The following RBFOX1 variants were observed in gnomAD, a reference collection of about 807,000 sequenced individuals.
The protein encoded by RBFOX1 is RNA binding fox-1 homolog 1, also known as RNA binding protein fox-1 homolog 1.
In RBFOX1, 8 loss-of-function variants were observed where a neutral mutation model predicts 57.7. That is an observed-to-expected ratio of 0.14 (90% CI 0.08 to 0.25). The LOEUF (loss-of-function observed/expected upper bound fraction) is 0.25, where lower values mean the gene tolerates loss of function less well. Ranked by LOEUF, RBFOX1 falls within the 10% of genes least tolerant of loss-of-function variation. The pLI is 1.00. For synonymous variants in RBFOX1, 326 were observed against 222.4 expected, an observed-to-expected ratio of 1.47 and a Z score of -4.15; for missense variants, 611 against 548.5, an observed-to-expected ratio of 1.11 and a Z score of -1.14.
intron 4 of RBFOX1, among the ~76,000 whole-genome samples, chr16:7,177,328 G>A (rs1273725272): frequency 6.6e-6 from 1 of 152,126 alleles, no homozygotes; most frequent in East Asian, 1.9e-4. Context: ...GGCCTCAAGA[G>A]CTGAGGATGC....
At chr16:7,027,555 C>T (rs1459924336) in intron 3 of RBFOX1, among the ~76,000 whole-genome samples, 2 of 152,036 alleles carry the variant, frequency 1.3e-5, no homozygotes, top group Non-Finnish European at 2.9e-5. Flanking sequence ...CCTGTGGTTT[C>T]TCTTAGTCTT....
At chr16:7,511,541 C>T (rs777790110) in intron 4 of RBFOX1, among the ~76,000 whole-genome samples, 2 of 152,280 alleles carry the variant, frequency 1.3e-5, no homozygotes, top group East Asian at 3.9e-4. Flanking sequence ...TGCTAATAGT[C>T]AGATTACAGT....
At chr16:6,531,957 T>G (rs2096663846) in intron 2 of RBFOX1, among the ~76,000 whole-genome samples, 1 of 152,096 alleles carries the variant, frequency 6.6e-6, no homozygotes, top group Non-Finnish European at 1.5e-5. Context: ...CTTACAAAAT[T>G]TAGAGGTAGT....
At position 7,712,409 on chromosome 16, in the gene RBFOX1, T is replaced by A. The variant is rs78452246; in HGVS notation, c.*1664T>A. On this transcript the variant is annotated 3_prime_UTR_variant, in exon 16 of 16. Transcript: ENST00000550418. The stretch of plus-strand genomic sequence containing the variant: ...AACCAAACAAAACTTTAAAAAAAAA[T>A]GTGTGATCCAGCTTTCTCTTGCCAT... 7 of 152,494 alleles carry A rather than the reference T, an allele frequency of 4.6e-5. No homozygotes were observed. The highest frequency in any genetic ancestry group is 1.3e-4 in the Admixed American group (2 of 15,274). The allele number at this position is 152,494 out of a possible 1,614,324, so 9.4% of individuals were successfully genotyped here.
At chr16:7,219,767 C>T (rs1254137779) in intron 4 of RBFOX1, among the ~76,000 whole-genome samples, 1 of 152,134 alleles carries the variant, frequency 6.6e-6, no homozygotes, top group Non-Finnish European at 1.5e-5. Flanking sequence ...TTAGAAAAGC[C>T]AGACGGATAA....
intron 2 of RBFOX1, among the ~76,000 whole-genome samples, chr16:6,616,116 C>G (rs576112610): frequency 6.6e-6 from 1 of 152,250 alleles, no homozygotes; most frequent in East Asian, 1.9e-4. Flanking sequence ...ACTGAAGAAT[C>G]TTTTATAGGA....
At chr16:5,806,670 A>C (rs1489061501) in intron 3 of RBFOX1, among the ~76,000 whole-genome samples, 1 of 152,218 alleles carries the variant, frequency 6.6e-6, no homozygotes, top group African/African-American at 2.4e-5. Context: ...GAAGTTCATT[A>C]AGGAATCAGG....
chr16:7,163,849 G>A (rs2078895420), intron 4 of RBFOX1, among the ~76,000 whole-genome samples: 1 of 152,012 alleles, frequency 6.6e-6, no homozygotes, highest in Admixed American at 6.5e-5. Flanking sequence ...TGGTAGAGAT[G>A]AAGTTTTACC....
chr16:7,088,186 A>G (rs1259579552), intron 4 of RBFOX1, among the ~76,000 whole-genome samples: 2 of 152,178 alleles, frequency 1.3e-5, no homozygotes, highest in East Asian at 3.8e-4. Flanking sequence ...GAAAACATTG[A>G]TGGTGGTGAA....
At chr16:6,193,670 T>C (rs1226845136) in intron 1 of RBFOX1, among the ~76,000 whole-genome samples, 4 of 151,948 alleles carry the variant, frequency 2.6e-5, no homozygotes, top group African/African-American at 9.7e-5. Flanking sequence ...CTAAACATTT[T>C]GAATTGTATT....
rs534599649 is a variant in RBFOX1 at position 6,665,240 on chromosome 16, C to T, written c.-16+10590C>T. ...AGAGGTGTCACTTAGCTATAAAGGGCGATGTCCCTCTTGTTTGTCTTCCCT... is the reference window on the plus strand; with the variant it reads ...AGAGGTGTCACTTAGCTATAAAGGGTGATGTCCCTCTTGTTTGTCTTCCCT... On this transcript the variant is annotated intron_variant, in intron 3 of 15. Transcript: ENST00000550418. 7.9e-5 allele frequency among the ~76,000 whole-genome samples: 12 copies of T among 152,108 alleles called. 1 individual carries two copies. The South Asian group carries it at 1.7e-3, about 21-fold the overall frequency.
intron 4 of RBFOX1, among the ~76,000 whole-genome samples, chr16:7,236,999 C>T (rs549017020): frequency 1.3e-5 from 2 of 152,266 alleles, no homozygotes; most frequent in East Asian, 1.9e-4. Context: ...AGAGGCAAGC[C>T]GTTCTTTCAC....
At chr16:5,489,447 G>C (rs909602263) in intron 2 of RBFOX1, among the ~76,000 whole-genome samples, 2 of 152,216 alleles carry the variant, frequency 1.3e-5, no homozygotes, top group Admixed American at 6.5e-5. Context: ...TCTGAAACTG[G>C]ATAGACTTCC....
intron 1 of RBFOX1, among the ~76,000 whole-genome samples, chr16:6,193,956 T>C (rs576947343): frequency 1.3e-5 from 2 of 152,306 alleles, no homozygotes; most frequent in South Asian, 4.2e-4. Context: ...GCCTCTTGGC[T>C]TTCCATTGTG....
intron 2 of RBFOX1, among the ~76,000 whole-genome samples, chr16:5,501,047 G>GT (rs1357017481): frequency 6.6e-6 from 1 of 152,108 alleles, no homozygotes; most frequent in African/African-American, 2.4e-5. Context: ...CAGGCGCGGT[G>GT]TTTCACCCCT....
intron 14 of RBFOX1, among the ~76,000 whole-genome samples, chr16:7,704,512 C>T (rs2081805495): frequency 6.6e-6 from 1 of 152,174 alleles, no homozygotes; most frequent in African/African-American, 2.4e-5. Flanking sequence ...TAATTACAGG[C>T]ATGAGTGTCT....
chr16:6,330,907 A>C (rs2082944354), intron 2 of RBFOX1, among the ~76,000 whole-genome samples: 1 of 152,136 alleles, frequency 6.6e-6, no homozygotes, highest in Non-Finnish European at 1.5e-5. Context: ...GTTTTGGGGA[A>C]TTAAAGGATG....
At chr16:7,344,270 C>G (rs1049099367) in intron 4 of RBFOX1, among the ~76,000 whole-genome samples, 2 of 150,786 alleles carry the variant, frequency 1.3e-5, no homozygotes, top group South Asian at 4.2e-4. Flanking sequence ...AATTAATACT[C>G]CCTAAGTACT....
intron 4 of RBFOX1, among the ~76,000 whole-genome samples, chr16:5,951,463 GTGTGTA>G (rs1404715056): frequency 1.3e-5 from 2 of 152,016 alleles, no homozygotes; most frequent in Non-Finnish European, 1.5e-5. Flanking sequence ...ATATGTGTGT[GTGTGTA>G]TGTGTATGTG....
Sources: gnomAD v4.1 joint callset for allele counts (sites outside exome capture counted in the v4.1 genomes callset) on GRCh38, gnomAD v4.1.1 for gene constraint, MANE v1.5 for transcripts, NCBI Gene and HGNC (gene_info 2026-07-23, HGNC 2026-07-21) for gene names.